The following GYG2 variants were observed in gnomAD, a reference collection of about 807,000 sequenced individuals.
The protein encoded by GYG2 is glycogenin 2.
A neutral mutation model predicts 29.4 loss-of-function variants in GYG2; 29 were observed. The observed-to-expected ratio is 0.99, with a 90% confidence interval of 0.74 to 1.35. The LOEUF (loss-of-function observed/expected upper bound fraction) is 1.35. GYG2 is among the 40% of genes most tolerant of loss of function. GYG2 has a pLI of 0.00. For synonymous variants in GYG2, 167 were observed against 172.3 expected (o/e 0.97, Z 0.24); for missense variants, 370 against 385.7 (o/e 0.96, Z 0.34).
chrX:2,850,387 T>C (rs1421346537), intron 3 of GYG2, among the ~76,000 whole-genome samples: 1 of 111,782 alleles, frequency 8.9e-6, no homozygotes, highest in African/African-American at 3.2e-5. Flanking sequence ...CTTAAATACG[T>C]GTGCTGACAG....
intron 6 of GYG2, among the ~76,000 whole-genome samples, chrX:2,858,017 T>A (rs2088061823): frequency 9.0e-6 from 1 of 111,546 alleles, no homozygotes; most frequent in Non-Finnish European, 1.9e-5. Flanking sequence ...CTTCTCACAA[T>A]GATTTTTTTT....
intron 2 of GYG2, among the ~76,000 whole-genome samples, chrX:2,842,072 C>T (rs1326338471): frequency 2.7e-5 from 3 of 112,273 alleles, no homozygotes; most frequent in Non-Finnish European, 5.6e-5. Context: ...TTGTCTCTAC[C>T]GCCTCATACA....
intron 3 of GYG2, among the ~76,000 whole-genome samples, chrX:2,844,966 ATATT>A (rs1412487574): frequency 9.9e-6 from 1 of 101,498 alleles, no homozygotes; most frequent in African/African-American, 3.6e-5. Flanking sequence ...ATGTATGTAT[ATATT>A]TATATATACA....
chrX:2,846,036 C>CACATATATAT (rs1199380183), intron 3 of GYG2, among the ~76,000 whole-genome samples: 2 of 33,057 alleles, frequency 6.1e-5, no homozygotes, highest in Non-Finnish European at 1.1e-4. Flanking sequence ...TATATATACA[C>CACATATATAT]ATATATATAT....
At chrX:2,857,170 G>A (rs58163192) in intron 6 of GYG2, among the ~76,000 whole-genome samples, 41,966 of 92,568 alleles carry the variant, frequency 0.45, 7,010 homozygotes, top group African/African-American at 0.68. Context: ...AGACCTAGAT[G>A]TCTATCTATC....
intron 10 of GYG2, chrX:2,877,797 T>C: frequency 1.3e-6 from 1 of 748,654 alleles, no homozygotes; most frequent in Non-Finnish European, 1.6e-6. Flanking sequence ...CATTGATGCA[T>C]TTAATGAAAG....
intron 8 of GYG2, 103 bp downstream of exon 8, chrX:2,861,825 G>A (rs2088177073): frequency 1.6e-6 from 1 of 611,205 alleles, no homozygotes; most frequent in Non-Finnish European, 2.6e-6. Flanking sequence ...GGGAGATGGA[G>A]GGGAAGGGCT....
At chrX:2,874,703 A>G (rs771868644) in intron 8 of GYG2, among the ~76,000 whole-genome samples, 1 of 112,132 alleles carries the variant, frequency 8.9e-6, no homozygotes, top group Admixed American at 9.5e-5. Flanking sequence ...TGCCTCGATT[A>G]GGAGAATGAA....
At chrX:2,879,265 ATTTTCT>A (rs2088664217) in intron 10 of GYG2, among the ~76,000 whole-genome samples, 1 of 97,972 alleles carries the variant, frequency 1.0e-5, no homozygotes, top group Admixed American at 1.1e-4. Context: ...CCTCTTATCT[ATTTTCT>A]TTTTTTTTTT....
At chrX:2,844,470 A>G (rs1387058093) in intron 3 of GYG2, among the ~76,000 whole-genome samples, 2 of 110,288 alleles carry the variant, frequency 1.8e-5, no homozygotes, top group African/African-American at 3.3e-5. Flanking sequence ...ACACACACGT[A>G]TGCATATATA....
At chrX:2,868,092 T>C (rs1383919441) in intron 8 of GYG2, among the ~76,000 whole-genome samples, 1 of 109,103 alleles carries the variant, frequency 9.2e-6, no homozygotes, top group African/African-American at 3.3e-5. Context: ...CAAAACTCAG[T>C]CCCAAAAAAA....
intron 2 of GYG2, among the ~76,000 whole-genome samples, chrX:2,833,501 A>G (rs1816594107): frequency 9.0e-6 from 1 of 111,583 alleles, no homozygotes; most frequent in Non-Finnish European, 1.9e-5. Context: ...GTGGTTATCA[A>G]TCAATGATCA....
rs1216490724 is a variant in GYG2, at chrX:2,882,372, C to T, written c.*1159C>T. On this transcript the variant is annotated 3_prime_UTR_variant, in exon 11 of 11. Coordinates refer to ENST00000398806, the MANE Select transcript of GYG2 (RefSeq NM_001079855.2). ...ACGGGATAGGAAGGCCGTGGGAGAA[C>T]TCGATCCTAGCCTGTGTCAGCTGGA... 1.8e-5 allele frequency: 2 copies of T among 111,525 alleles called. No individual in the cohort carries two copies. The highest frequency in any genetic ancestry group is 6.5e-5 in the African/African-American group (2 of 30,650). 9.2% of individuals were successfully genotyped at this position (111,525 alleles called of 1,213,427 possible).
At chrX:2,831,108 C>T (rs747765245) in intron 2 of GYG2, among the ~76,000 whole-genome samples, 6 of 112,753 alleles carry the variant, frequency 5.3e-5, no homozygotes, top group African/African-American at 1.3e-4. Flanking sequence ...AGAGTGTAAC[C>T]TCTTCCCATA....
intron 3 of GYG2, among the ~76,000 whole-genome samples, chrX:2,852,113 C>T (rs936098056): frequency 9.0e-6 from 1 of 110,815 alleles, no homozygotes; most frequent in Non-Finnish European, 1.9e-5. Context: ...AAAAATTAGC[C>T]GGGCATGGTG....
Position 2,851,000 on chromosome X carries a change from C to T in GYG2, c.150-2980C>T, listed in dbSNP as rs112757458. 1.3e-4 allele frequency among the ~76,000 whole-genome samples: 15 copies of T among 111,477 alleles called. No individual in the cohort carries two copies. The East Asian group carries it at 3.7e-3, about 27-fold the overall frequency. On this transcript the variant is annotated intron_variant, in intron 3 of 10. Coordinates refer to ENST00000398806, the MANE Select transcript of GYG2 (RefSeq NM_001079855.2). ...GGGAAAATAATATAAAATGAAACTG[C>T]AGGACTCAATCCAAATATAACCGTG...
rs962280561 is a variant in GYG2, at chrX:2,882,704, C to T, written c.*1491C>T. ...GAGGACCAGAATTCATGTTCACGGG[C>T]AGTGATGAGTTGGCTTATGGAGTGA... On this transcript the variant is annotated 3_prime_UTR_variant, in exon 11 of 11. Coordinates refer to ENST00000398806, the MANE Select transcript of GYG2 (RefSeq NM_001079855.2). 1 of 109,806 alleles carries T rather than the reference C, an allele frequency of 9.1e-6. No homozygotes were observed. The highest frequency in any genetic ancestry group is 2.9e-4 in the East Asian group (1 of 3,471). The allele number at this position is 109,806 out of a possible 1,213,427, so 9.0% of individuals were successfully genotyped here. A position where few individuals can be genotyped will look rare whatever the true frequency, so the allele number is the denominator to read the frequency against.
At chrX:2,832,538 G>A (rs1429870118) in intron 2 of GYG2, among the ~76,000 whole-genome samples, 3 of 110,860 alleles carry the variant, frequency 2.7e-5, no homozygotes, top group African/African-American at 9.8e-5. Flanking sequence ...TGTCCTAATC[G>A]CCTCTTTTTT....
At chrX:2,858,614 A>G (rs1939133652) in intron 6 of GYG2, among the ~76,000 whole-genome samples, 1 of 112,207 alleles carries the variant, frequency 8.9e-6, no homozygotes, top group African/African-American at 3.2e-5. Context: ...CACCTTGGGA[A>G]TGAATAATTC....
Sources: allele counts gnomAD v4.1 joint callset (sites outside exome capture counted in the v4.1 genomes callset), GRCh38; gene constraint gnomAD v4.1.1; transcripts MANE v1.5; gene names NCBI Gene and HGNC (gene_info 2026-07-23, HGNC 2026-07-21).